Variants in PDSS2 observed in about 807,000 individuals in gnomAD.
PDSS2 encodes all trans-polyprenyl-diphosphate synthase PDSS2.
Under a neutral mutation model 44.5 loss-of-function variants are expected in PDSS2, and 31 were observed. That is an observed-to-expected ratio of 0.70 (90% CI 0.52 to 0.94). PDSS2 has a LOEUF of 0.94. PDSS2 is among the 40% of genes least tolerant of loss of function. The pLI is 0.00. For missense variants in PDSS2, 452 were observed against 482.2 expected, an observed-to-expected ratio of 0.94 and a Z score of 0.59; for synonymous variants, 157 against 180.3, an observed-to-expected ratio of 0.87 and a Z score of 1.03.
intron 2 of PDSS2, among the ~76,000 whole-genome samples, chr6:107,291,620 C>G (rs929833931): frequency 6.6e-6 from 1 of 151,166 alleles, no homozygotes; most frequent in Non-Finnish European, 1.5e-5. Flanking sequence ...CCCACCTTGG[C>G]CTTCCAGAGT....
chr6:107,257,146 C>T (rs988629439), intron 3 of PDSS2, among the ~76,000 whole-genome samples: 3 of 151,828 alleles, frequency 2.0e-5, no homozygotes, highest in Non-Finnish European at 2.9e-5. Flanking sequence ...TGCCACTACA[C>T]TCCAGCCTGG....
At chr6:107,252,168 T>G (rs1385147884) in intron 3 of PDSS2, among the ~76,000 whole-genome samples, 1 of 152,148 alleles carries the variant, frequency 6.6e-6, no homozygotes, top group African/African-American at 2.4e-5. Flanking sequence ...AGATGAGCCC[T>G]ACTCTGCATG....
chr6:107,328,437 T>C (rs1387499604), intron 2 of PDSS2, among the ~76,000 whole-genome samples: 1 of 152,150 alleles, frequency 6.6e-6, no homozygotes, highest in East Asian at 1.9e-4. Flanking sequence ...CTGTTTTCTT[T>C]TCTTTTCTTT....
At chr6:107,453,298 T>A (rs1017381509) in intron 1 of PDSS2, among the ~76,000 whole-genome samples, 1 of 152,208 alleles carries the variant, frequency 6.6e-6, no homozygotes. Context: ...CTGAAAGTTT[T>A]ATAGTTTAAC....
At chr6:107,333,091 T>TAA (rs548084048) in intron 2 of PDSS2, among the ~76,000 whole-genome samples, 1 of 151,936 alleles carries the variant, frequency 6.6e-6, no homozygotes, top group Non-Finnish European at 1.5e-5. Flanking sequence ...AAATAAAATT[T>TAA]AAAAAAAATA....
intron 2 of PDSS2, among the ~76,000 whole-genome samples, chr6:107,311,792 A>G (rs1266284606): frequency 1.3e-5 from 2 of 152,202 alleles, no homozygotes; most frequent in East Asian, 1.9e-4. Flanking sequence ...TCCTTACCAT[A>G]TAAAGAGGCT....
intron 1 of PDSS2, among the ~76,000 whole-genome samples, chr6:107,402,190 G>C (rs918903096): frequency 6.6e-6 from 1 of 151,224 alleles, no homozygotes; most frequent in Non-Finnish European, 1.5e-5. Context: ...TGAGGCAGGG[G>C]AATTGCTTAA....
intron 2 of PDSS2, among the ~76,000 whole-genome samples, chr6:107,310,255 A>G (rs1776997426): frequency 6.8e-6 from 1 of 146,588 alleles, no homozygotes; most frequent in African/African-American, 2.5e-5. Flanking sequence ...ACTGCACTCC[A>G]GCATGGGCGA....
chr6:107,270,441 G>A (rs757704296), intron 3 of PDSS2, among the ~76,000 whole-genome samples: 3 of 151,940 alleles, frequency 2.0e-5, no homozygotes, highest in Admixed American at 6.6e-5. Context: ...GACATCCACC[G>A]TGCCTGGCCT....
At chr6:107,198,379 T>G (rs1258362350) in intron 6 of PDSS2, among the ~76,000 whole-genome samples, 1 of 152,208 alleles carries the variant, frequency 6.6e-6, no homozygotes, top group East Asian at 1.9e-4. Flanking sequence ...CATTATAATC[T>G]GAACATGCAA....
At position 107,459,399 on chromosome 6, in the gene PDSS2, C is replaced by T; in HGVS notation, c.-114G>A. On this transcript the variant is annotated 5_prime_UTR_variant, in exon 1 of 8. Transcript: ENST00000369037. This position sits in a 1 kb window ranked among gnomAD's most constrained non-coding sequence, Gnocchi z 4.3. The stretch of plus-strand genomic sequence containing the variant: ...TAAAAGGAAGCGGCAATTCTTGACC[C>T]TCAGAGTAAGGTGGCTTCCTGGAGC... The T allele has an allele frequency of 1.2e-6, 1 of 847,598 alleles. No homozygotes were observed. Among genetic ancestry groups the T allele is most frequent in the African/African-American group, 1.7e-5 (1 of 59,604 alleles). 52.5% of individuals were successfully genotyped at this position (847,598 alleles called of 1,614,324 possible).
At chr6:107,303,979 G>A (rs983623216) in intron 2 of PDSS2, among the ~76,000 whole-genome samples, 1 of 152,092 alleles carries the variant, frequency 6.6e-6, no homozygotes, top group African/African-American at 2.4e-5. Context: ...AAATAACAAG[G>A]ACATAAACTT....
intron 4 of PDSS2, among the ~76,000 whole-genome samples, chr6:107,217,437 A>G (rs1181370093): frequency 2.0e-5 from 3 of 152,182 alleles, no homozygotes; most frequent in African/African-American, 7.2e-5. Flanking sequence ...AGATGGGGCC[A>G]TGAGCCAAGG....
chr6:107,210,489 AGACT>A lies in PDSS2; in HGVS notation c.954_957del (p.Val319TyrfsTer39). 1 of 1,603,256 alleles carries A rather than the reference AGACT, an allele frequency of 6.2e-7. No individual in the cohort carries two copies. The highest frequency in any genetic ancestry group is 1.1e-5 in the South Asian group (1 of 90,862). ...TCTCTTCCAAGAAATTCCTGATGTA[AGACT>A]ACAGGAGCTGAGTTTAGATTAAAAG... On this transcript the variant is annotated frameshift_variant, in exon 6 of 8. Transcript: ENST00000369037. LOFTEE classifies it high-confidence loss of function.
chr6:107,180,824 A>G (rs1771949044), intron 7 of PDSS2, among the ~76,000 whole-genome samples: 1 of 152,186 alleles, frequency 6.6e-6, no homozygotes, highest in South Asian at 2.1e-4. Context: ...TTTTACATAT[A>G]TCATTTTATT....
intron 1 of PDSS2, among the ~76,000 whole-genome samples, chr6:107,423,447 A>G (rs1217923745): frequency 6.6e-6 from 1 of 152,178 alleles, no homozygotes; most frequent in Non-Finnish European, 1.5e-5. Flanking sequence ...GAATCTCTGA[A>G]AGCTTATTTG....
At chr6:107,231,168 C>A (rs1482772726) in intron 4 of PDSS2, among the ~76,000 whole-genome samples, 1 of 152,170 alleles carries the variant, frequency 6.6e-6, no homozygotes, top group Non-Finnish European at 1.5e-5. Context: ...TGAACCTGTA[C>A]AAATACCCTA....
chr6:107,349,911 A>T (rs762379822), intron 1 of PDSS2, among the ~76,000 whole-genome samples: 6 of 152,388 alleles, frequency 3.9e-5, no homozygotes, highest in African/African-American at 1.4e-4. Flanking sequence ...AAAAGGATCC[A>T]GTTCAGAATC....
At position 107,255,036 on chromosome 6, in the gene PDSS2, G is replaced by C. The variant is rs965991212; in HGVS notation, c.631-9417C>G. Among the ~76,000 whole-genome samples the C allele has an allele frequency of 3.3e-5, 5 of 149,670 alleles. No individual in the cohort carries two copies. The Admixed American group carries it at 3.4e-4, about 10-fold the overall frequency. ...CCATTACCATGCCCAGCTAACTTTT[G>C]ACTTTTGTATTTTTACTAGAGACGG... On this transcript the variant is annotated intron_variant, in intron 3 of 7. Transcript: ENST00000369037.
Sources: allele counts gnomAD v4.1 joint callset (sites outside exome capture counted in the v4.1 genomes callset), GRCh38; gene constraint gnomAD v4.1.1; non-coding constraint Gnocchi (gnomAD v3.1); transcripts MANE v1.5; gene names NCBI Gene and HGNC (gene_info 2026-07-23, HGNC 2026-07-21).